The following PRRC2B variants were observed in gnomAD, a reference collection of about 807,000 sequenced individuals.
The protein encoded by PRRC2B is proline rich coiled-coil 2B.
A neutral mutation model predicts 242.3 loss-of-function variants in PRRC2B; 68 were observed. That is an observed-to-expected ratio of 0.28 (90% CI 0.23 to 0.34). PRRC2B has a LOEUF of 0.34. Among genes scored for constraint, PRRC2B ranks in the 10% least tolerant of loss-of-function variants. The probability of loss-of-function intolerance (pLI) is 1.00; values close to 1 mark genes in which losing one functional copy is unlikely to be tolerated. For missense variants in PRRC2B, 2,835 were observed against 2,954.8 expected (o/e 0.96, Z 0.94); for synonymous variants, 1,228 against 1,173.6 (o/e 1.05, Z -0.95).
Position 131,474,511 on chromosome 9 carries a change from C to T in PRRC2B, c.2382C>T (p.Arg794=), listed in dbSNP as rs144013773. 4.3e-4 allele frequency: 686 copies of T among 1,613,974 alleles called. 1 individual carries two copies. The African/African-American group carries it at 7.2e-3, about 17-fold the overall frequency. Residue 794 remains arginine (R), a synonymous_variant, in exon 16 of 32, where the codon CGC becomes CGT. Coordinates refer to ENST00000683519, the MANE Select transcript of PRRC2B (RefSeq NM_013318.4). The part of the protein sequence containing the change: ...LGRAGGVSAQ[R]DLFEERGEEY... ...GGGCAGGGGGCGTAAGTGCTCAGCG[C>T]GATCTCTTTGAGGAGAGAGGGGAGG...
intron 10 of PRRC2B, among the ~76,000 whole-genome samples, chr9:131,457,767 T>C (rs1943124906): frequency 6.6e-6 from 1 of 152,174 alleles, no homozygotes; most frequent in African/African-American, 2.4e-5. Context: ...ACAGGTCTTT[T>C]AGACAGGTCA....
intron 1 of PRRC2B, among the ~76,000 whole-genome samples, chr9:131,403,635 G>A (rs544564633): frequency 6.7e-6 from 1 of 148,550 alleles, no homozygotes; most frequent in African/African-American, 2.5e-5. Flanking sequence ...AATTACAGGC[G>A]TGAGCCACTG....
At chr9:131,420,501 T>TCTTTCTTTCTTTTCTTTC (rs1837804218) in intron 1 of PRRC2B, among the ~76,000 whole-genome samples, 1 of 19,020 alleles carries the variant, frequency 5.3e-5, no homozygotes, top group African/African-American at 1.4e-4. Flanking sequence ...TTCTTTTTTT[T>TCTTTCTTTCTTTTCTTTC]TTTTTTTTTG....
intron 31 of PRRC2B, among the ~76,000 whole-genome samples, chr9:131,495,268 G>C (rs976746974): frequency 6.6e-6 from 1 of 152,122 alleles, no homozygotes; most frequent in Non-Finnish European, 1.5e-5. Flanking sequence ...ATGGTGGGGG[G>C]GTTGGCTGAA....
chr9:131,392,893 C>T (rs531207348), upstream of PRRC2B, among the ~76,000 whole-genome samples: 2 of 145,502 alleles, frequency 1.4e-5, no homozygotes, highest in Admixed American at 1.4e-4. Context: ...GCACTCCAGC[C>T]TGGGGGACAG....
chr9:131,463,855 G>T (rs1447742794), intron 11 of PRRC2B, among the ~76,000 whole-genome samples: 1 of 150,742 alleles, frequency 6.6e-6, no homozygotes, highest in African/African-American at 2.4e-5. Context: ...CTGGTCTCGA[G>T]CTCCTAGGCT....
chr9:131,420,453 T>TCTTTC (rs1837776424), intron 1 of PRRC2B, among the ~76,000 whole-genome samples: 1 of 60,988 alleles, frequency 1.6e-5, no homozygotes, highest in African/African-American at 5.3e-5. Flanking sequence ...TTCTTTTTCT[T>TCTTTC]TTTCTTTCTT....
At chr9:131,390,676 G>T (rs1361547592), upstream of PRRC2B, among the ~76,000 whole-genome samples, 1 of 150,474 alleles carries the variant, frequency 6.6e-6, no homozygotes, top group East Asian at 2.0e-4. Context: ...TAGAGATGGG[G>T]TTTCACCATG....
chr9:131,467,525 A>T, intron 12 of PRRC2B, 38 bp from the exon 13 acceptor site: 1 of 1,512,538 alleles, frequency 6.6e-7, no homozygotes, highest in Admixed American at 2.1e-5. Flanking sequence ...AGCTTCTGTG[A>T]GCTCACTGTG....
chr9:131,482,239 ATCAAGATC>A lies in PRRC2B; in HGVS notation c.4984-131_4984-124del. The A allele has an allele frequency of 9.9e-7, 1 of 1,014,170 alleles. No homozygotes were observed. The allele number at this position is 1,014,170 out of a possible 1,614,324, so 62.8% of individuals were successfully genotyped here. A position where few individuals can be genotyped will look rare whatever the true frequency, so the allele number is the denominator to read the frequency against. ...TGTCAGGCATCCTCAGCAGGGCAGG[ATCAAGATC>A]AGGACCAGACTTGGCAAGGGACAGG... On this transcript the variant is annotated intron_variant, in intron 20 of 31. Coordinates refer to ENST00000683519, the MANE Select transcript of PRRC2B (RefSeq NM_013318.4). The surrounding 1 kb of genome is among the most constrained non-coding windows in gnomAD (Gnocchi z 5.2).
At chr9:131,427,364 T>C (rs1838004875) in intron 1 of PRRC2B, among the ~76,000 whole-genome samples, 2 of 152,100 alleles carry the variant, frequency 1.3e-5, no homozygotes, top group African/African-American at 4.8e-5. Flanking sequence ...GGAGTCTTGC[T>C]CTGTTGCCCA....
chr9:131,436,576 G>T, intron 3 of PRRC2B, 44 bp from the exon 4 acceptor site: 1 of 1,511,098 alleles, frequency 6.6e-7, no homozygotes, highest in South Asian at 1.2e-5. Flanking sequence ...CCTGGCCAGC[G>T]CACTCTGTGC....
intron 23 of PRRC2B, 149 bp from the exon 24 acceptor site, chr9:131,484,537 G>A: frequency 3.4e-6 from 2 of 583,212 alleles, no homozygotes; most frequent in Non-Finnish European, 6.0e-6. Context: ...AGCTGTAGGT[G>A]CTTTTGGGAA....
chr9:131,473,466 T>C, intron 14 of PRRC2B, 42 bp from the exon 15 acceptor site: 1 of 1,468,364 alleles, frequency 6.8e-7, no homozygotes, highest in Non-Finnish European at 9.3e-7. Flanking sequence ...GGAGCAGGGC[T>C]TTCTAAATGA....
intron 10 of PRRC2B, among the ~76,000 whole-genome samples, chr9:131,456,100 A>C (rs986384513): frequency 1.3e-5 from 2 of 151,924 alleles, no homozygotes; most frequent in Admixed American, 1.3e-4. Context: ...GCGACAGAGC[A>C]AAACTCTGTC....
At chr9:131,387,715 G>A (rs1056909674) in intron 1 of PRRC2B, among the ~76,000 whole-genome samples, 3 of 129,910 alleles carry the variant, frequency 2.3e-5, no homozygotes, top group Non-Finnish European at 3.4e-5. Context: ...CACTGCCCCT[G>A]TGCCACCACC....
At chr9:131,456,435 T>C (rs1056002662) in intron 10 of PRRC2B, among the ~76,000 whole-genome samples, 6 of 151,624 alleles carry the variant, frequency 4.0e-5, no homozygotes, top group African/African-American at 9.7e-5. Flanking sequence ...ATCGAGACCA[T>C]CCTGGCTAAC....
chr9:131,404,023 T>C (rs970342279), intron 1 of PRRC2B, among the ~76,000 whole-genome samples: 3 of 152,110 alleles, frequency 2.0e-5, no homozygotes, highest in Non-Finnish European at 4.4e-5. Context: ...TCAAGCTGTC[T>C]TCCCATCTTG....
At position 131,487,143 on chromosome 9, in the gene PRRC2B, C is replaced by G; in HGVS notation, c.5857-24C>G. On this transcript the variant is annotated intron_variant, in intron 26 of 31. Transcript: ENST00000683519. The surrounding 1 kb of genome is among the most constrained non-coding windows in gnomAD (Gnocchi z 5.3). ...CTGGATGGGCCTTGCGGTTACCTCC[C>G]CGACCCCGTTTTCCCGTTCACAGGC... 2.5e-6 allele frequency: 4 copies of G among 1,611,576 alleles called. No homozygotes were observed. Among genetic ancestry groups the G allele is most frequent in the Non-Finnish European group, 3.4e-6 (4 of 1,179,094 alleles).
Sources: gnomAD v4.1 joint callset for allele counts (sites outside exome capture counted in the v4.1 genomes callset) on GRCh38, gnomAD v4.1.1 for gene constraint, Gnocchi (gnomAD v3.1) non-coding constraint, MANE v1.5 for transcripts, NCBI Gene and HGNC (gene_info 2026-07-23, HGNC 2026-07-21) for gene names.